BCL2L11: variants seen among roughly 807,000 people sequenced by gnomAD.
BCL2L11 encodes the protein bcl-2-like protein 11.
In BCL2L11, 15 loss-of-function variants were observed where a neutral mutation model predicts 20.6. The ratio of observed to expected loss-of-function variants is 0.73; its 90% confidence interval spans 0.49 to 1.12. The LOEUF (loss-of-function observed/expected upper bound fraction) is 1.12. BCL2L11 is among the 50% of genes most tolerant of loss of function. BCL2L11 has a pLI of 0.00. For missense variants in BCL2L11, 292 were observed against 260.9 expected, an observed-to-expected ratio of 1.12 and a Z score of -0.82; for synonymous variants, 108 against 92.8, an observed-to-expected ratio of 1.16 and a Z score of -0.94.
chr2:111,122,646 A>C (rs1283959548), intron 1 of BCL2L11: 7 of 982,962 alleles, frequency 7.1e-6, no homozygotes, highest in Middle Eastern at 5.2e-4. Flanking sequence ...GAGCGGGAGG[A>C]GGCGGAGGAT....
chr2:111,133,963 T>C (rs1405867791), intron 2 of BCL2L11, among the ~76,000 whole-genome samples: 2 of 152,188 alleles, frequency 1.3e-5, no homozygotes, highest in African/African-American at 2.4e-5. Context: ...ATGTACTTTA[T>C]CTGGTATTAA....
At chr2:111,126,792 TG>T in intron 2 of BCL2L11, among the ~76,000 whole-genome samples, 1 of 152,208 alleles carries the variant, frequency 6.6e-6, no homozygotes, top group Non-Finnish European at 1.5e-5. Flanking sequence ...GAAGTCATTA[TG>T]ATTGGTTTGA....
chr2:111,147,382 A>C (rs1292354817), intron 2 of BCL2L11, among the ~76,000 whole-genome samples: 1 of 148,602 alleles, frequency 6.7e-6, no homozygotes, highest in African/African-American at 2.4e-5. Flanking sequence ...ACACACACAC[A>C]CACACACACC....
At chr2:111,123,365 C>T in intron 1 of BCL2L11, 2 of 985,504 alleles carry the variant, frequency 2.0e-6, no homozygotes, top group Non-Finnish European at 2.4e-6. Flanking sequence ...CGGCGTCCTA[C>T]CTAACCCCGG....
In BCL2L11 at chr2:111,166,389, A is replaced by G. The variant is rs1192422639; in HGVS notation, c.*2158A>G. ...CTGGCGGCCTCCAGGCTGGCTGTGGAAACAGTTCCTGAGGAAATTAGAGAT... is the reference window on the plus strand; with the variant it reads ...CTGGCGGCCTCCAGGCTGGCTGTGGGAACAGTTCCTGAGGAAATTAGAGAT... On this transcript the variant is annotated 3_prime_UTR_variant, in exon 4 of 4. Coordinates refer to ENST00000393256, the MANE Select transcript of BCL2L11 (RefSeq NM_138621.5). 6.5e-6 allele frequency: 1 copy of G among 152,698 alleles called. No individual in the cohort carries two copies. The highest frequency in any genetic ancestry group is 2.4e-5 in the African/African-American group (1 of 41,452). 9.5% of individuals were successfully genotyped at this position (152,698 alleles called of 1,614,324 possible).
At chr2:111,150,244 A>G (rs2077089536) in intron 3 of BCL2L11, 97 bp downstream of exon 3, 1 of 1,523,998 alleles carries the variant, frequency 6.6e-7, no homozygotes. Flanking sequence ...CTACATGCTA[A>G]TTCTGGAAAT....
In BCL2L11 at chr2:111,164,360, G is replaced by A. The variant is rs1383517803; in HGVS notation, c.*129G>A. On this transcript the variant is annotated 3_prime_UTR_variant, in exon 4 of 4. Coordinates refer to ENST00000393256, the MANE Select transcript of BCL2L11 (RefSeq NM_138621.5). The stretch of plus-strand genomic sequence containing the variant: ...TTCTCTTGTGGAGGGGGCAGGTGAC[G>A]TTTCAGAAGACACCGAGCTGGATGG... 16 of 687,244 alleles carry A rather than the reference G, an allele frequency of 2.3e-5. No homozygotes were observed. The highest frequency in any genetic ancestry group is 1.1e-4 in the Admixed American group (5 of 46,084). The allele number at this position is 687,244 out of a possible 1,614,324, so 42.6% of individuals were successfully genotyped here.
intron 2 of BCL2L11, among the ~76,000 whole-genome samples, chr2:111,142,689 A>G (rs2076001818): frequency 6.6e-6 from 1 of 152,206 alleles, no homozygotes; most frequent in Admixed American, 6.5e-5. Flanking sequence ...GAAAACAGTA[A>G]TACTGAAGAC....
At chr2:111,143,855 G>A (rs1362946535) in intron 2 of BCL2L11, among the ~76,000 whole-genome samples, 1 of 152,192 alleles carries the variant, frequency 6.6e-6, no homozygotes, top group Non-Finnish European at 1.5e-5. Flanking sequence ...AATGAGAAAT[G>A]AGTAAAAAGG....
At chr2:111,124,792 C>G (rs926774479) in intron 2 of BCL2L11, among the ~76,000 whole-genome samples, 2 of 152,188 alleles carry the variant, frequency 1.3e-5, no homozygotes, top group East Asian at 3.8e-4. Flanking sequence ...AGATGACAAT[C>G]ATTTTTGAAA....
At chr2:111,154,375 A>T (rs1336057967) in intron 3 of BCL2L11, among the ~76,000 whole-genome samples, 1 of 152,018 alleles carries the variant, frequency 6.6e-6, no homozygotes, top group Non-Finnish European at 1.5e-5. Flanking sequence ...AAAAAGAAAA[A>T]ATGTATTTTC....
chr2:111,146,820 A>G (rs2076577702), intron 2 of BCL2L11, among the ~76,000 whole-genome samples: 1 of 152,238 alleles, frequency 6.6e-6, no homozygotes, highest in African/African-American at 2.4e-5. Flanking sequence ...AAAATACAGG[A>G]ATAAATAAGA....
intron 2 of BCL2L11, among the ~76,000 whole-genome samples, chr2:111,129,376 T>C (rs2073405206): frequency 6.6e-6 from 1 of 152,238 alleles, no homozygotes. Context: ...AAAGATATTT[T>C]TCTTTACTAG....
At chr2:111,153,848 G>A (rs1256532789) in intron 3 of BCL2L11, 22 of 1,551,354 alleles carry the variant, frequency 1.4e-5, no homozygotes, top group Middle Eastern at 1.7e-4. Flanking sequence ...GTGGGGAAGC[G>A]TTTGAGACGG....
Position 111,168,388 on chromosome 2 carries a change from G to T in BCL2L11, c.*4157G>T, listed in dbSNP as rs1393992616. 6.6e-6 allele frequency: 1 copy of T among 152,602 alleles called. No homozygotes were observed. The allele number at this position is 152,602 out of a possible 1,614,324, so 9.5% of individuals were successfully genotyped here. ...TTGTGCAATACTGCTGTAAATAACT[G>T]CAGATTTTTAAACAATCTTTTATGT... On this transcript the variant is annotated 3_prime_UTR_variant, in exon 4 of 4. Transcript: ENST00000393256.
In BCL2L11 at chr2:111,120,970, CGCT is replaced by C. The variant is rs1486732890; in HGVS notation, c.-229_-227del. 1.4e-5 allele frequency: 4 copies of C among 281,184 alleles called. 1 individual carries two copies. The highest frequency in any genetic ancestry group is 7.1e-5 in the African/African-American group (1 of 14,124). 17.4% of individuals were successfully genotyped at this position (281,184 alleles called of 1,614,324 possible). The stretch of plus-strand genomic sequence containing the variant: ...TTTGTTGGAGCTCTGCGTCCAGCGC[CGCT>C]GCCGCTGCCGCCGCCGCCGCCGCCG... On this transcript the variant is annotated 5_prime_UTR_variant, in exon 1 of 4. Transcript: ENST00000393256.
chr2:111,136,911 C>G (rs929542217), intron 2 of BCL2L11, among the ~76,000 whole-genome samples: 1 of 152,138 alleles, frequency 6.6e-6, no homozygotes, highest in Non-Finnish European at 1.5e-5. Flanking sequence ...AACAGACTTA[C>G]AATGATGGAA....
chr2:111,144,764 G>T (rs185182851), intron 2 of BCL2L11, among the ~76,000 whole-genome samples: 1 of 152,186 alleles, frequency 6.6e-6, no homozygotes, highest in Non-Finnish European at 1.5e-5. Context: ...TTGGTTTAAA[G>T]CTGGTTTCAG....
chr2:111,130,899 A>G (rs1397493931), intron 2 of BCL2L11, among the ~76,000 whole-genome samples: 1 of 152,160 alleles, frequency 6.6e-6, no homozygotes, highest in Non-Finnish European at 1.5e-5. Context: ...ACCTGTTGAT[A>G]TGGTACGTTC....
Sources: allele counts gnomAD v4.1 joint callset (sites outside exome capture counted in the v4.1 genomes callset), GRCh38; gene constraint gnomAD v4.1.1; transcripts MANE v1.5; gene names NCBI Gene and HGNC (gene_info 2026-07-23, HGNC 2026-07-21).